BMP8A: variants seen among roughly 807,000 people sequenced by gnomAD.
BMP8A encodes BMP-8A.
In BMP8A, 14 loss-of-function variants were observed where a neutral mutation model predicts 36.8. That is an observed-to-expected ratio of 0.38 (90% CI 0.25 to 0.60). BMP8A has a LOEUF of 0.60. Among genes scored for constraint, BMP8A ranks in the 20% least tolerant of loss-of-function variants. The pLI, the probability that BMP8A is intolerant of heterozygous loss-of-function variation, is 0.63. For synonymous variants in BMP8A, 120 were observed against 237.7 expected, an observed-to-expected ratio of 0.50 and a Z score of 4.55; for missense variants, 267 against 551.1, an observed-to-expected ratio of 0.48 and a Z score of 5.16.
chr1:39,492,854 G>A lies in BMP8A; in HGVS notation c.334+529G>A, dbSNP rs965997203. Among the ~76,000 whole-genome samples the A allele has an allele frequency of 9.2e-5, 14 of 152,154 alleles. 1 individual carries two copies. Among genetic ancestry groups the A allele is most frequent in the Admixed American group, 3.9e-4 (6 of 15,284 alleles). On this transcript the variant is annotated intron_variant, in intron 1 of 6. Transcript: ENST00000331593. Reference sequence around the variant, plus strand: ...CAGGGGAGCGGCTGGGGAAGGAGCAGACTCAGCTCGCTGGGGCAGGGACTG... The same window carrying A: ...CAGGGGAGCGGCTGGGGAAGGAGCAAACTCAGCTCGCTGGGGCAGGGACTG...
intron 3 of BMP8A, among the ~76,000 whole-genome samples, chr1:39,516,959 A>G (rs1334214984): frequency 6.6e-6 from 1 of 151,796 alleles, no homozygotes; most frequent in Non-Finnish European, 1.5e-5. Context: ...TGCTATCTTC[A>G]TGAGCTTGTT....
chr1:39,522,661 G>GT (rs749293034), intron 5 of BMP8A, among the ~76,000 whole-genome samples, 179 bp downstream of exon 5: 2 of 135,452 alleles, frequency 1.5e-5, no homozygotes, highest in Admixed American at 7.2e-5. Flanking sequence ...TGTTGTTGTT[G>GT]TGTTTTTTGT....
chr1:39,504,711 C>T (rs2124336671), intron 1 of BMP8A, among the ~76,000 whole-genome samples: 1 of 152,318 alleles, frequency 6.6e-6, no homozygotes, highest in Non-Finnish European at 1.5e-5. Flanking sequence ...AAAAGTGGGC[C>T]CAGGCAGCAC....
At chr1:39,507,048 A>C (rs1455527670) in intron 1 of BMP8A, among the ~76,000 whole-genome samples, 1 of 152,184 alleles carries the variant, frequency 6.6e-6, no homozygotes, top group Non-Finnish European at 1.5e-5. Context: ...GGGACCCTCA[A>C]AAATAGGATC....
At chr1:39,509,282 G>A (rs1342552659) in intron 1 of BMP8A, among the ~76,000 whole-genome samples, 1 of 152,176 alleles carries the variant, frequency 6.6e-6, no homozygotes, top group Non-Finnish European at 1.5e-5. Flanking sequence ...TTGCAAATGG[G>A]GGATTCTTAC....
chr1:39,503,935 T>C (rs1184211996), intron 1 of BMP8A, among the ~76,000 whole-genome samples: 1 of 152,148 alleles, frequency 6.6e-6, no homozygotes, highest in Non-Finnish European at 1.5e-5. Flanking sequence ...AGTGAGACCC[T>C]GTCTCAAAAA....
chr1:39,525,580 C>T (rs373951548), intron 6 of BMP8A, 69 bp from the exon 7 acceptor site: 338 of 1,569,300 alleles, frequency 2.2e-4, no homozygotes, highest in African/African-American at 6.6e-4. Context: ...GGAGCTGGGG[C>T]GGGGCTAGGT....
chr1:39,510,880 G>A (rs1443047903), intron 1 of BMP8A, among the ~76,000 whole-genome samples: 3 of 152,186 alleles, frequency 2.0e-5, no homozygotes, highest in Non-Finnish European at 4.4e-5. Context: ...AGGACCAGCC[G>A]GGCCAAGAAG....
At chr1:39,518,065 A>C (rs533970798) in intron 3 of BMP8A, among the ~76,000 whole-genome samples, 7 of 151,794 alleles carry the variant, frequency 4.6e-5, no homozygotes, top group Admixed American at 6.5e-5. Context: ...TTTCCTCCTG[A>C]ATCTATAGTC....
At chr1:39,497,559 A>T (rs553940400) in intron 1 of BMP8A, among the ~76,000 whole-genome samples, 1 of 151,970 alleles carries the variant, frequency 6.6e-6, no homozygotes, top group South Asian at 2.1e-4. Context: ...CTCTGCCCCT[A>T]CCCCACAATC....
Position 39,494,444 on chromosome 1 carries a change from G to A in BMP8A, c.334+2119G>A, listed in dbSNP as rs575688078. ...TAGCTCACTGCAACCTCTAATTCCC[G>A]GGCTCCAGCAATCTTCCTCCCTCAG... On this transcript the variant is annotated intron_variant, in intron 1 of 6. Transcript: ENST00000331593. Among the ~76,000 whole-genome samples, 16 of 150,292 alleles carry A rather than the reference G, an allele frequency of 1.1e-4. No individual in the cohort carries two copies. The South Asian group carries it at 2.1e-3, about 20-fold the overall frequency.
chr1:39,505,196 T>C (rs955666068), intron 1 of BMP8A, among the ~76,000 whole-genome samples: 5 of 152,134 alleles, frequency 3.3e-5, no homozygotes, highest in Non-Finnish European at 7.3e-5. Flanking sequence ...GTCAGGTCTT[T>C]CCCTTTCCAT....
In BMP8A at chr1:39,523,029, G is replaced by A. The variant is rs775075087; in HGVS notation, c.971G>A (p.Gly324Asp). 8 of 1,612,886 alleles carry A rather than the reference G, an allele frequency of 5.0e-6. No homozygotes were observed. In the South Asian group the frequency reaches 8.8e-5, roughly 18 times the overall value. Residue 324 changes from glycine to aspartate, a missense_variant, in exon 6 of 7, where the codon GGC (glycine) becomes GAC (aspartate). By Grantham distance (94) the Gly-to-Asp change is moderately conservative (BLOSUM62 -1). Transcript: ENST00000331593. The stretch of plus-strand genomic sequence containing the variant: ...CAGGACTGGGTCATCGCCCCCCAAG[G>A]CTACTCAGCCTATTACTGTGAGGGG... The part of the protein sequence containing the change: ...GWLDWVIAPQ[G>D]YSAYYCEGEC...
At chr1:39,492,353 C>G in intron 1 of BMP8A, 28 bp downstream of exon 1, 1 of 1,523,576 alleles carries the variant, frequency 6.6e-7, no homozygotes, top group African/African-American at 1.5e-5. Flanking sequence ...CGCGGGGACC[C>G]TCGGAGTAAG....
chr1:39,523,307 T>C (rs1344516088), intron 6 of BMP8A, among the ~76,000 whole-genome samples, 190 bp downstream of exon 6: 2 of 152,060 alleles, frequency 1.3e-5, no homozygotes, highest in Admixed American at 6.5e-5. Flanking sequence ...GCCACACTAC[T>C]ACACATAGAC....
In BMP8A at chr1:39,526,530, G is replaced by C. The variant is rs1271504795; in HGVS notation, c.*732G>C. ...ATTCTTGTATTTTTAGTAGAGACGG[G>C]GTTTCACCATATCGGCCAGGCTGGT... is the stretch of plus-strand genomic sequence containing the variant. On this transcript the variant is annotated 3_prime_UTR_variant, in exon 7 of 7. Coordinates refer to ENST00000331593, the MANE Select transcript of BMP8A (RefSeq NM_181809.4). 6.6e-6 allele frequency among the ~76,000 whole-genome samples: 1 copy of C among 152,060 alleles called. No homozygotes were observed.
chr1:39,504,796 C>T (rs1645286283), intron 1 of BMP8A, among the ~76,000 whole-genome samples: 1 of 152,072 alleles, frequency 6.6e-6, no homozygotes, highest in African/African-American at 2.4e-5. Context: ...TCTACCATCT[C>T]GGTGAGGGGG....
At chr1:39,492,902 G>A (rs1645173897) in intron 1 of BMP8A, among the ~76,000 whole-genome samples, 1 of 152,148 alleles carries the variant, frequency 6.6e-6, no homozygotes, top group Non-Finnish European at 1.5e-5. Context: ...CCTGGGCCCT[G>A]CACTTAGCAT....
rs755248 is a variant in BMP8A, at chr1:39,529,438, C to T, written c.*3640C>T. ...CTCTGCTGAGGAAGTGGCAGGTGTG[C>T]GGCCCTGCCCTGGCCCCGTAGTGAG... On this transcript the variant is annotated 3_prime_UTR_variant, in exon 7 of 7. Transcript: ENST00000331593. Among the ~76,000 whole-genome samples, 117,812 of 152,118 alleles carry T rather than the reference C, an allele frequency of 0.77. 48,864 individuals carry two copies. Among genetic ancestry groups the T allele is most frequent in the East Asian group, 1 (5,155 of 5,174 alleles).
Sources: allele counts gnomAD v4.1 joint callset (sites outside exome capture counted in the v4.1 genomes callset), GRCh38; gene constraint gnomAD v4.1.1; transcripts MANE v1.5; gene names NCBI Gene and HGNC (gene_info 2026-07-23, HGNC 2026-07-21).